Variants in CTPS1 observed in about 807,000 individuals in gnomAD.
CTPS1 encodes CTP synthetase 1.
CTPS1 carries 25 observed loss-of-function variants against 80.5 expected under a neutral mutation model. The observed-to-expected ratio is 0.31, with a 90% confidence interval of 0.23 to 0.43. CTPS1 has a LOEUF of 0.43. CTPS1 is among the 20% of genes least tolerant of loss of function. CTPS1 has a pLI of 1.00. For missense variants in CTPS1, 442 were observed against 725.7 expected, an observed-to-expected ratio of 0.61 and a Z score of 4.49; for synonymous variants, 267 against 252.5, an observed-to-expected ratio of 1.06 and a Z score of -0.54.
rs1642619041 is a variant in CTPS1, at chr1:40,991,860, C to T, written c.720+15C>T. On this transcript the variant is annotated intron_variant, in intron 7 of 18. Transcript: ENST00000650070. ...AGCCTGAACAAGTGAGTAGAAATTC[C>T]CATCTCTAATAAGTTGTTTTTTGCT... 1 of 1,599,500 alleles carries T rather than the reference C, an allele frequency of 6.3e-7. No individual in the cohort carries two copies. Among genetic ancestry groups the T allele is most frequent in the South Asian group, 1.1e-5 (1 of 90,778 alleles).
At chr1:41,008,603 G>T in intron 14 of CTPS1, 56 bp from the exon 15 acceptor site, 2 of 1,556,464 alleles carry the variant, frequency 1.3e-6, no homozygotes, top group South Asian at 1.1e-5. Context: ...ATGTCTTTGT[G>T]AACGCATCAT....
chr1:40,984,672 T>C, intron 2 of CTPS1, 149 bp from the exon 3 acceptor site: 1 of 555,138 alleles, frequency 1.8e-6, no homozygotes, highest in Non-Finnish European at 3.0e-6. Flanking sequence ...TCTTTTTGTG[T>C]GTCATATTTA....
At chr1:41,005,912 CAG>C in intron 12 of CTPS1, 137 bp from the exon 13 acceptor site, 1 of 697,890 alleles carries the variant, frequency 1.4e-6, no homozygotes, top group Non-Finnish European at 2.6e-6. Flanking sequence ...GGGATGAGGT[CAG>C]GGGGATGCTA....
intron 9 of CTPS1, among the ~76,000 whole-genome samples, chr1:41,000,334 C>T (rs1642872929): frequency 6.6e-6 from 1 of 152,100 alleles, no homozygotes; most frequent in South Asian, 2.1e-4. Flanking sequence ...CCTCTGCCTT[C>T]CAGGTTCAAG....
intron 5 of CTPS1, among the ~76,000 whole-genome samples, chr1:40,990,021 T>C (rs1238949479): frequency 1.3e-5 from 2 of 152,154 alleles, no homozygotes; most frequent in Non-Finnish European, 2.9e-5. Context: ...AATGGAGGTA[T>C]AATCTGAACC....
chr1:40,983,426 G>A lies in CTPS1; in HGVS notation c.136G>A (p.Asp46Asn). Residue 46 changes from aspartate (D) to asparagine (N), a missense_variant, in exon 2 of 19, where the codon GAT becomes AAT. Physicochemically the swap from Asp to Asn is conservative, Grantham distance 23. This residue lies in a region of CTPS1 where 25 missense variants were observed against 72.7 expected (regional missense o/e 0.34). Transcript: ENST00000650070. ...SIKIDPYINI[D>N]AGTFSPYEHG... ...CAAAATTGACCCCTACATTAACATTGATGCAGGAACATTCTCTCCTTATGA... is the reference window on the plus strand; with the variant it reads ...CAAAATTGACCCCTACATTAACATTAATGCAGGAACATTCTCTCCTTATGA... 6.2e-7 allele frequency: 1 copy of A among 1,613,556 alleles called. No individual in the cohort carries two copies. The highest frequency in any genetic ancestry group is 8.5e-7 in the Non-Finnish European group (1 of 1,179,682).
intron 2 of CTPS1, among the ~76,000 whole-genome samples, chr1:40,983,726 G>A (rs1272062051): frequency 2.0e-5 from 3 of 151,330 alleles, no homozygotes; most frequent in Non-Finnish European, 4.4e-5. Context: ...TGGCTCAAGC[G>A]ATCCTCTCAC....
At chr1:40,991,500 A>G (rs1642609532) in intron 6 of CTPS1, among the ~76,000 whole-genome samples, 1 of 152,140 alleles carries the variant, frequency 6.6e-6, no homozygotes, top group South Asian at 2.1e-4. Flanking sequence ...ACTTGGGAAC[A>G]CTAATGGAGG....
chr1:40,989,573 C>T (rs534065368), intron 5 of CTPS1, among the ~76,000 whole-genome samples: 16 of 152,184 alleles, frequency 1.1e-4, no homozygotes, highest in Non-Finnish European at 1.9e-4. Flanking sequence ...TCACACATAA[C>T]TTATAGGTAG....
Position 41,003,104 on chromosome 1 carries a change from C to T in CTPS1, c.1190-10C>T, listed in dbSNP as rs760417895. 1.1e-5 allele frequency: 18 copies of T among 1,613,834 alleles called. No individual in the cohort carries two copies. The East Asian group carries it at 1.3e-4, about 12-fold the overall frequency. Reference sequence around the variant, plus strand: ...TGGAGTTTTGTTTGTTTTTTCCCCCCGACTGGAAGGCGTGTGCTTAGGGAT... The same window carrying T: ...TGGAGTTTTGTTTGTTTTTTCCCCCTGACTGGAAGGCGTGTGCTTAGGGAT... On this transcript the variant is annotated splice_polypyrimidine_tract_variant and intron_variant, in intron 11 of 18. Transcript: ENST00000650070.
Position 40,984,953 on chromosome 1 carries a change from AG to A in CTPS1, c.301del (p.Glu101AsnfsTer25). ...AAGATATACCAGTATGTCATTAACAAGGAACGGAAAGGAGATTACTTGGGGA... is the reference window on the plus strand; with the variant it reads ...AAGATATACCAGTATGTCATTAACAAGAACGGAAAGGAGATTACTTGGGGA... ...TGKIYQYVIN[K>X]ERKGDYLGKT... On this transcript the variant is annotated frameshift_variant, in exon 3 of 19. Coordinates refer to ENST00000650070, the MANE Select transcript of CTPS1 (RefSeq NM_001905.4). LOFTEE classifies it high-confidence loss of function. The A allele has an allele frequency of 6.3e-7, 1 of 1,590,832 alleles. No homozygotes were observed. The highest frequency in any genetic ancestry group is 8.6e-7 in the Non-Finnish European group (1 of 1,164,538).
intron 1 of CTPS1, among the ~76,000 whole-genome samples, chr1:40,982,809 G>A (rs888511561): frequency 3.3e-5 from 5 of 152,192 alleles, no homozygotes; most frequent in African/African-American, 1.2e-4. Flanking sequence ...TTGATGATAT[G>A]TTGTAGTTTA....
intron 11 of CTPS1, among the ~76,000 whole-genome samples, chr1:41,002,824 C>T (rs1294968621): frequency 6.6e-6 from 1 of 152,066 alleles, no homozygotes; most frequent in Admixed American, 6.5e-5. Context: ...CCAGAGTGGG[C>T]AACAGCAAGA....
rs962200499 is a variant in CTPS1 at position 40,982,125 on chromosome 1, G to A, written c.-13-1153G>A. On this transcript the variant is annotated intron_variant, in intron 1 of 18. Transcript: ENST00000650070. Reference sequence around the variant, plus strand: ...AAATCCTCCGTGGTGAGCCTGTCACGGTCTCCTCACCTCTTGTCGATGCTG... The same window carrying A: ...AAATCCTCCGTGGTGAGCCTGTCACAGTCTCCTCACCTCTTGTCGATGCTG... The A allele has an allele frequency of 3.9e-5, 21 of 541,358 alleles. No individual in the cohort carries two copies. In the East Asian group the frequency reaches 4.3e-4, roughly 11 times the overall value. 33.5% of individuals were successfully genotyped at this position (541,358 alleles called of 1,614,324 possible).
At position 40,987,424 on chromosome 1, in the gene CTPS1, A is replaced by T. The variant is rs2148392055; in HGVS notation, c.390A>T (p.Leu130Phe). ...AGGAGTGGGTGATGAGACAGGCGTT[A>T]ATACCTGTAGATGAAGATGGCCTGG... ...AIQEWVMRQA[L>F]IPVDEDGLEP... The change falls in exon 4 of 19, where the codon TTA (leucine) becomes TTT (phenylalanine). Residue 130 changes from leucine (L) to phenylalanine (F), a missense_variant. Leu to Phe is a conservative substitution (Grantham distance 22). Transcript: ENST00000650070. 8 of 1,614,102 alleles carry T rather than the reference A, an allele frequency of 5.0e-6. No individual in the cohort carries two copies. In the South Asian group the frequency reaches 8.8e-5, roughly 18 times the overall value.
At chr1:40,988,316 T>G (rs940364380) in intron 4 of CTPS1, among the ~76,000 whole-genome samples, 2 of 151,472 alleles carry the variant, frequency 1.3e-5, no homozygotes, top group African/African-American at 4.9e-5. Flanking sequence ...GTGATAGAGA[T>G]AACATTCCTG....
At chr1:41,000,757 C>T (rs557358475) in intron 9 of CTPS1, 26 of 181,182 alleles carry the variant, frequency 1.4e-4, no homozygotes, top group Admixed American at 4.3e-4. Context: ...AGCTGAGACC[C>T]GATCCTGAAC....
chr1:40,995,957 C>T lies in CTPS1; in HGVS notation c.761C>T (p.Pro254Leu), dbSNP rs1642741777. Residue 254 changes from proline to leucine, a missense_variant, in exon 8 of 19, where the codon CCC becomes CTC. Pro to Leu is a moderately conservative substitution (Grantham distance 98). Transcript: ENST00000650070. Reference sequence around the variant, plus strand: ...GATGTCTCATCCATCTACCGAGTCCCCTTGTTGTTAGAGGAGCAAGGGGTT... The same window carrying T: ...GATGTCTCATCCATCTACCGAGTCCTCTTGTTGTTAGAGGAGCAAGGGGTT... ...VHDVSSIYRVPLLLEEQGVVD... is the reference protein window; with the variant it reads ...VHDVSSIYRVLLLLEEQGVVD... 6.2e-7 allele frequency: 1 copy of T among 1,614,162 alleles called. No homozygotes were observed. Among genetic ancestry groups the T allele is most frequent in the Non-Finnish European group, 8.5e-7 (1 of 1,180,034 alleles).
rs1483572136 is a variant in CTPS1, at chr1:41,011,804, G to A, written c.*156G>A. ...TATTTGGGAAACTTGTCACTTGCATGTCCCATCACGTGTACTGGCTCCTCT... is the reference window on the plus strand; with the variant it reads ...TATTTGGGAAACTTGTCACTTGCATATCCCATCACGTGTACTGGCTCCTCT... On this transcript the variant is annotated 3_prime_UTR_variant, in exon 19 of 19. Transcript: ENST00000650070. The A allele has an allele frequency of 6.6e-6, 1 of 152,116 alleles. No homozygotes were observed. Among genetic ancestry groups the A allele is most frequent in the African/African-American group, 2.4e-5 (1 of 41,398 alleles). The allele number at this position is 152,116 out of a possible 1,614,324, so 9.4% of individuals were successfully genotyped here.
Sources: gnomAD v4.1 joint callset for allele counts (sites outside exome capture counted in the v4.1 genomes callset) on GRCh38, gnomAD v4.1.1 for gene constraint, gnomAD v4.1.1 regional missense constraint, MANE v1.5 for transcripts, NCBI Gene and HGNC (gene_info 2026-07-23, HGNC 2026-07-21) for gene names.